CCDC66: variants seen among roughly 807,000 people sequenced by gnomAD.
CCDC66 encodes the protein coiled-coil domain containing 66.
Under a neutral mutation model 128.3 loss-of-function variants are expected in CCDC66, and 133 were observed. The observed-to-expected ratio is 1.04, with a 90% CI of 0.90 to 1.20. The LOEUF (loss-of-function observed/expected upper bound fraction) is 1.20, where lower values mean the gene tolerates loss of function less well. CCDC66 is among the 50% of genes most tolerant of loss of function. The pLI is 0.00. For synonymous variants in CCDC66, 387 were observed against 357.0 expected (o/e 1.08, Z -0.95); for missense variants, 1,126 against 1,075.5 (o/e 1.05, Z -0.66).
chr3:56,594,142 T>C, intron 10 of CCDC66, 114 bp downstream of exon 10: 1 of 909,360 alleles, frequency 1.1e-6, no homozygotes, highest in Non-Finnish European at 1.8e-6. Context: ...ATAGGTCCTG[T>C]CCAGTTGTGT....
chr3:56,579,955 C>T (rs184601230), intron 7 of CCDC66, among the ~76,000 whole-genome samples: 9 of 151,612 alleles, frequency 5.9e-5, no homozygotes, highest in African/African-American at 1.9e-4. Flanking sequence ...TTCAATTCCT[C>T]GATATCCTTG....
chr3:56,618,223 A>G lies in CCDC66; in HGVS notation c.2378+11A>G, dbSNP rs2075769444. 1.9e-6 allele frequency: 3 copies of G among 1,610,722 alleles called. No homozygotes were observed. The East Asian group carries it at 6.7e-5, about 36-fold the overall frequency. On this transcript the variant is annotated intron_variant, in intron 15 of 17. Coordinates refer to ENST00000394672, the MANE Select transcript of CCDC66 (RefSeq NM_001141947.3). ...ATTCAGCAAGGAAAGGTAAGTATGC[A>G]TCAGATTAATTCCGCAGCTACTTAA...
At chr3:56,576,004 T>G (rs1301114841) in intron 7 of CCDC66, among the ~76,000 whole-genome samples, 1 of 151,770 alleles carries the variant, frequency 6.6e-6, no homozygotes, top group Non-Finnish European at 1.5e-5. Context: ...GTTTTGTCTA[T>G]TCGTGGTCCC....
intron 17 of CCDC66, chr3:56,620,842 A>C (rs149659395): frequency 6.6e-6 from 1 of 152,512 alleles, no homozygotes; most frequent in East Asian, 1.9e-4. Flanking sequence ...AGGTAAGGTT[A>C]GGACAGTCAA....
intron 7 of CCDC66, among the ~76,000 whole-genome samples, chr3:56,587,684 A>G (rs985931945): frequency 1.3e-5 from 2 of 152,160 alleles, no homozygotes; most frequent in African/African-American, 4.8e-5. Flanking sequence ...CAGCCTGGCT[A>G]ATATGGTGAA....
chr3:56,576,941 T>C (rs1054155002), intron 7 of CCDC66, among the ~76,000 whole-genome samples: 2 of 151,848 alleles, frequency 1.3e-5, no homozygotes, highest in Non-Finnish European at 2.9e-5. Flanking sequence ...TACCCAGTAA[T>C]GGGATGGCTG....
At chr3:56,621,448 A>T (rs2107509196) in intron 17 of CCDC66, 84 bp from the exon 18 acceptor site, 1 of 941,392 alleles carries the variant, frequency 1.1e-6, no homozygotes, top group East Asian at 2.6e-5. Flanking sequence ...TATGTTTTCC[A>T]AGTGAATATA....
At chr3:56,571,388 G>GA (rs1559626977) in intron 7 of CCDC66, 86 bp downstream of exon 7, 23 of 538,258 alleles carry the variant, frequency 4.3e-5, no homozygotes, top group Non-Finnish European at 6.2e-5. Flanking sequence ...AAAAAAAAAA[G>GA]TTTTTTTTTT....
At chr3:56,566,895 C>T in intron 5 of CCDC66, 55 bp from the exon 6 acceptor site, 1 of 1,507,172 alleles carries the variant, frequency 6.6e-7, no homozygotes, top group Non-Finnish European at 9.1e-7. Flanking sequence ...TTTATGGAGT[C>T]AGTTGTGTAG....
intron 10 of CCDC66, 147 bp downstream of exon 10, chr3:56,594,175 A>T (rs1181374130): frequency 5.7e-6 from 4 of 700,838 alleles, no homozygotes; most frequent in African/African-American, 1.8e-5. Context: ...CCCTACCACA[A>T]CTGGCATTGT....
At chr3:56,577,045 A>G (rs2107949745) in intron 7 of CCDC66, among the ~76,000 whole-genome samples, 1 of 151,958 alleles carries the variant, frequency 6.6e-6, no homozygotes, top group Non-Finnish European at 1.5e-5. Flanking sequence ...TAACAGTGTA[A>G]AAGTGTTCCT....
chr3:56,621,492 T>G (rs1454036647), intron 17 of CCDC66, 40 bp from the exon 18 acceptor site: 3 of 1,240,120 alleles, frequency 2.4e-6, no homozygotes, highest in South Asian at 1.3e-5. Flanking sequence ...AAGTCAGGTG[T>G]GCACATTTTA....
intron 10 of CCDC66, among the ~76,000 whole-genome samples, chr3:56,608,195 G>A (rs1039378790): frequency 8.6e-5 from 13 of 152,044 alleles, no homozygotes; most frequent in East Asian, 1.9e-4. Flanking sequence ...GTGGAATAGC[G>A]TCAAAAGAAT....
At chr3:56,559,050 A>C (rs2064748424) in intron 2 of CCDC66, 140 bp downstream of exon 2, 1 of 647,874 alleles carries the variant, frequency 1.5e-6, no homozygotes, top group Non-Finnish European at 2.6e-6. Flanking sequence ...AAACTTCTGC[A>C]GATTTCCTTC....
At chr3:56,576,345 T>C (rs988678982) in intron 7 of CCDC66, among the ~76,000 whole-genome samples, 2 of 151,518 alleles carry the variant, frequency 1.3e-5, no homozygotes, top group Non-Finnish European at 1.5e-5. Flanking sequence ...AAGTATTTTT[T>C]CTTTTTGATG....
At chr3:56,581,361 T>C (rs993129270) in intron 7 of CCDC66, among the ~76,000 whole-genome samples, 2 of 151,840 alleles carry the variant, frequency 1.3e-5, no homozygotes, top group Non-Finnish European at 2.9e-5. Context: ...ACATCCTCCT[T>C]TAGCTTGGAG....
At chr3:56,607,393 A>T (rs1305098074) in intron 10 of CCDC66, among the ~76,000 whole-genome samples, 3 of 151,648 alleles carry the variant, frequency 2.0e-5, no homozygotes, top group Non-Finnish European at 4.4e-5. Flanking sequence ...TATTTTATAT[A>T]TTTTTTTGCA....
At chr3:56,581,446 C>A (rs1289850216) in intron 7 of CCDC66, among the ~76,000 whole-genome samples, 1 of 151,846 alleles carries the variant, frequency 6.6e-6, no homozygotes. Flanking sequence ...AGCTTTGTTC[C>A]ATTGCTAGTG....
intron 7 of CCDC66, among the ~76,000 whole-genome samples, chr3:56,574,073 T>A (rs1326286697): frequency 6.6e-6 from 1 of 151,708 alleles, no homozygotes; most frequent in Non-Finnish European, 1.5e-5. Flanking sequence ...ACTATTTAAA[T>A]GCAGTTTTCG....
Sources: allele counts gnomAD v4.1 joint callset (sites outside exome capture counted in the v4.1 genomes callset), GRCh38; gene constraint gnomAD v4.1.1; transcripts MANE v1.5; gene names NCBI Gene and HGNC (gene_info 2026-07-23, HGNC 2026-07-21).